ALDH4A1: variants seen among roughly 807,000 people sequenced by gnomAD.
ALDH4A1 encodes the protein delta-1-pyrroline-5-carboxylate dehydrogenase, mitochondrial.
ALDH4A1 carries 46 observed loss-of-function variants against 70.5 expected under a neutral mutation model. The observed-to-expected ratio is 0.65, with a 90% CI of 0.51 to 0.83. ALDH4A1 has a LOEUF of 0.83. Among genes scored for constraint, ALDH4A1 ranks in the 40% least tolerant of loss-of-function variants. ALDH4A1 has a pLI of 0.00. For synonymous variants in ALDH4A1, 323 were observed against 324.3 expected, an observed-to-expected ratio of 1.00 and a Z score of 0.04; for missense variants, 749 against 766.5, an observed-to-expected ratio of 0.98 and a Z score of 0.27.
intron 5 of ALDH4A1, 144 bp from the exon 6 acceptor site, chr1:18,883,572 T>C: frequency 8.5e-7 from 1 of 1,176,068 alleles, no homozygotes; most frequent in Non-Finnish European, 1.2e-6. Context: ...CCAGGTCCCA[T>C]CCCAGGGGCT....
chr1:18,881,979 C>T (rs1569748753), intron 7 of ALDH4A1, 92 bp from the exon 8 acceptor site: 7 of 1,257,818 alleles, frequency 5.6e-6, no homozygotes, highest in East Asian at 5.1e-5. Flanking sequence ...TTGTCCCTCA[C>T]CTGGAACCAC....
Position 18,876,386 on chromosome 1 carries a change from CATCACACTTGCCCCCGGCCAGGA to C in ALDH4A1, c.1244_1266del (p.Ile415ArgfsTer39). On this transcript the variant is annotated frameshift_variant, in exon 12 of 15. Coordinates refer to ENST00000375341, the MANE Select transcript of ALDH4A1 (RefSeq NM_003748.4). LOFTEE classifies it high-confidence loss of function. ...GGCTCCACAAAGTAGCCCACGGAGT[CATCACACTTGCCCCCGGCCAGGA>C]TGGTGAGGCTGGGTGAGGAGCGTGC... 1 of 1,613,756 alleles carries C rather than the reference CATCACACTTGCCCCCGGCCAGGA, an allele frequency of 6.2e-7. No individual in the cohort carries two copies. Among genetic ancestry groups the C allele is most frequent in the Non-Finnish European group, 8.5e-7 (1 of 1,179,918 alleles).
chr1:18,871,623 C>G lies in ALDH4A1; in HGVS notation c.*1222G>C, dbSNP rs1038919085. Reference sequence around the variant, plus strand: ...CAGCCCAGCTGGCACCAGCACCCACCCCCATCCATGGGCCAGTGGCACTTG... The same window carrying G: ...CAGCCCAGCTGGCACCAGCACCCACGCCCATCCATGGGCCAGTGGCACTTG... On this transcript the variant is annotated 3_prime_UTR_variant, in exon 15 of 15. Transcript: ENST00000375341. 6.6e-6 allele frequency: 1 copy of G among 152,342 alleles called. No individual in the cohort carries two copies. Among genetic ancestry groups the G allele is most frequent in the Non-Finnish European group, 1.5e-5 (1 of 68,122 alleles). 9.4% of individuals were successfully genotyped at this position (152,342 alleles called of 1,614,324 possible). A position where few individuals can be genotyped will look rare whatever the true frequency, so the allele number is the denominator to read the frequency against.
At chr1:18,876,502 C>T in intron 11 of ALDH4A1, 35 bp from the exon 12 acceptor site, 1 of 1,550,512 alleles carries the variant, frequency 6.4e-7, no homozygotes. Context: ...GTCTAAGAGG[C>T]TGGGAAGGCA....
At chr1:18,874,427 A>C in intron 14 of ALDH4A1, 36 bp downstream of exon 14, 1 of 1,581,412 alleles carries the variant, frequency 6.3e-7, no homozygotes, top group Non-Finnish European at 8.7e-7. Flanking sequence ...TCCCACCAGG[A>C]ACTCAGCTCC....
chr1:18,897,080 C>G (rs775733608), intron 1 of ALDH4A1: 1 of 534,462 alleles, frequency 1.9e-6, no homozygotes, highest in Admixed American at 1.9e-5. Context: ...GTTGAGCATC[C>G]CTGATCCAAA....
intron 11 of ALDH4A1, among the ~76,000 whole-genome samples, 194 bp from the exon 12 acceptor site, chr1:18,876,661 C>CTGTCTGTGTGTGTGTG (rs1934699429): frequency 6.8e-6 from 1 of 146,732 alleles, no homozygotes; most frequent in African/African-American, 2.5e-5. Context: ...GACATGAACA[C>CTGTCTGTGTGTGTGTG]TGTGTGTGTG....
rs1337397072 is a variant in ALDH4A1, at chr1:18,882,997, G to A, written c.678+127C>T. The A allele has an allele frequency of 8.6e-6, 11 of 1,277,250 alleles. No individual in the cohort carries two copies. In the Admixed American group the frequency reaches 1.1e-4, roughly 13 times the overall value. 79.1% of individuals were successfully genotyped at this position (1,277,250 alleles called of 1,614,324 possible). The stretch of plus-strand genomic sequence containing the variant: ...CAAAGCCTACCCACAGCCCCAAGCT[G>A]CCTCCACCTTCTGTGCCTCTCCCCA... On this transcript the variant is annotated intron_variant, in intron 7 of 14. Coordinates refer to ENST00000375341, the MANE Select transcript of ALDH4A1 (RefSeq NM_003748.4).
chr1:18,894,865 C>CTTTTTTTTTTTTTTTTTTT (rs34445898), intron 1 of ALDH4A1, among the ~76,000 whole-genome samples: 51 of 109,944 alleles, frequency 4.6e-4, no homozygotes, highest in Non-Finnish European at 6.6e-4. Flanking sequence ...TTCTTTCTTT[C>CTTTTTTTTTTTTTTTTTTT]TTTTTTTTTT....
At chr1:18,877,363 C>A in intron 10 of ALDH4A1, 53 bp downstream of exon 10, 7 of 1,553,466 alleles carry the variant, frequency 4.5e-6, no homozygotes, top group Non-Finnish European at 6.1e-6. Context: ...TCCCAGGGAC[C>A]CAATCCCATC....
chr1:18,887,044 T>C (rs1304869991), intron 3 of ALDH4A1, among the ~76,000 whole-genome samples: 5 of 152,232 alleles, frequency 3.3e-5, no homozygotes, highest in Admixed American at 1.3e-4. Context: ...TGTTGTGACA[T>C]GCTTGGGACT....
chr1:18,895,432 A>C (rs988450409), intron 1 of ALDH4A1, among the ~76,000 whole-genome samples: 2 of 152,206 alleles, frequency 1.3e-5, no homozygotes, highest in Non-Finnish European at 2.9e-5. Context: ...CACGAAGGCC[A>C]TGTACCGTTT....
In ALDH4A1 at chr1:18,885,493, C is replaced by T. The variant is rs113846237; in HGVS notation, c.433G>A (p.Ala145Thr). 1.8e-3 allele frequency: 2,432 copies of T among 1,322,130 alleles called. 44 individuals carry two copies. The African/African-American group carries it at 0.034, about 19-fold the overall frequency. 81.9% of individuals were successfully genotyped at this position (1,322,130 alleles called of 1,614,324 possible). ...CTCACCTGTCCCACCATGGTCTTGG[C>T]GAGGATCTCAGCCCTGCGCGGCCCA... The part of the protein sequence containing the change: ...LSGPRRAEIL[A>T]KTMVGQGKTV... Residue 145 changes from alanine (A) to threonine (T), a missense_variant, in exon 5 of 15, where the codon GCC becomes ACC. Transcript: ENST00000375341.
At chr1:18,892,695 G>A (rs967680709) in intron 1 of ALDH4A1, among the ~76,000 whole-genome samples, 1 of 147,266 alleles carries the variant, frequency 6.8e-6, no homozygotes, top group Non-Finnish European at 1.5e-5. Flanking sequence ...CCTCCACCCT[G>A]AGCCGGTAGC....
chr1:18,877,393 G>A (rs368218270), intron 10 of ALDH4A1, 23 bp downstream of exon 10: 4 of 1,556,080 alleles, frequency 2.6e-6, no homozygotes, highest in Middle Eastern at 1.8e-4. Context: ...CTGGGCCGCG[G>A]CGGGGGTGAC....
intron 12 of ALDH4A1, 126 bp downstream of exon 12, chr1:18,876,189 C>T (rs1308275940): frequency 7.7e-7 from 1 of 1,306,264 alleles, no homozygotes; most frequent in Non-Finnish European, 1.1e-6. Context: ...CGGAGGCATT[C>T]CCTTTTAGGG....
chr1:18,885,394 G>T, intron 5 of ALDH4A1, 79 bp downstream of exon 5: 2 of 1,429,148 alleles, frequency 1.4e-6, no homozygotes, highest in Non-Finnish European at 1.9e-6. Flanking sequence ...CGCTTCAGCT[G>T]ATGTCTGCTG....
intron 3 of ALDH4A1, 120 bp downstream of exon 3, chr1:18,889,242 G>A: frequency 1.1e-6 from 1 of 884,528 alleles, no homozygotes; most frequent in South Asian, 1.5e-5. Context: ...ATCTGGGGTG[G>A]GGAGGGGCAC....
Position 18,885,453 on chromosome 1 carries a change from C to CCCCCCCCCCCCCCCCCCCCCCCCAG in ALDH4A1, c.453+19_453+20insCTGGGGGGGGGGGGGGGGGGGGGGG. 6.9e-7 allele frequency: 1 copy of CCCCCCCCCCCCCCCCCCCCCCCCAG among 1,451,150 alleles called. No homozygotes were observed. Among genetic ancestry groups the CCCCCCCCCCCCCCCCCCCCCCCCAG allele is most frequent in the Non-Finnish European group, 9.3e-7 (1 of 1,078,740 alleles). 89.9% of individuals were successfully genotyped at this position (1,451,150 alleles called of 1,614,324 possible). A position where few individuals can be genotyped will look rare whatever the true frequency, so the allele number is the denominator to read the frequency against. ...CCCACCCCACCCCGCCCCACCCACC[C>CCCCCCCCCCCCCCCCCCCCCCCCAG]GGGCCCACCAGCACCTCACCTGTCC... On this transcript the variant is annotated intron_variant, in intron 5 of 14. Coordinates refer to ENST00000375341, the MANE Select transcript of ALDH4A1 (RefSeq NM_003748.4).
Sources: gnomAD v4.1 joint callset for allele counts (sites outside exome capture counted in the v4.1 genomes callset) on GRCh38, gnomAD v4.1.1 for gene constraint, MANE v1.5 for transcripts, NCBI Gene and HGNC (gene_info 2026-07-23, HGNC 2026-07-21) for gene names.